Variants in CCDC148 observed in about 807,000 individuals in gnomAD.
CCDC148 encodes the protein coiled-coil domain-containing protein 148.
A neutral mutation model predicts 85.7 loss-of-function variants in CCDC148; 89 were observed. The ratio of observed to expected loss-of-function variants is 1.04; its 90% CI spans 0.87 to 1.24. The LOEUF (loss-of-function observed/expected upper bound fraction) is 1.24. Ranked by LOEUF, CCDC148 falls within the 50% of genes most tolerant of loss-of-function variation. The pLI is 0.00. For synonymous variants in CCDC148, 230 were observed against 213.9 expected (o/e 1.08, Z -0.66); for missense variants, 692 against 671.7 (o/e 1.03, Z -0.33).
chr2:158,433,610 C>G (rs1006753271), intron 1 of CCDC148, among the ~76,000 whole-genome samples: 8 of 152,144 alleles, frequency 5.3e-5, no homozygotes, highest in Non-Finnish European at 1.0e-4. Flanking sequence ...GTACCAGATT[C>G]ATCTCACTGC....
At chr2:158,200,335 G>C (rs966626513) in intron 11 of CCDC148, among the ~76,000 whole-genome samples, 1 of 152,116 alleles carries the variant, frequency 6.6e-6, no homozygotes, top group African/African-American at 2.4e-5. Flanking sequence ...TTGATATCCA[G>C]TTATTTACTT....
At chr2:158,444,101 TG>T (rs1484181305) in intron 1 of CCDC148, among the ~76,000 whole-genome samples, 4 of 152,352 alleles carry the variant, frequency 2.6e-5, no homozygotes, top group Admixed American at 2.6e-4. Flanking sequence ...GGAGAATTCT[TG>T]GCATAACTGC....
chr2:158,450,553 AT>A (rs1688365865), intron 1 of CCDC148, among the ~76,000 whole-genome samples: 1 of 152,226 alleles, frequency 6.6e-6, no homozygotes, highest in African/African-American at 2.4e-5. Context: ...TGTCACCTTC[AT>A]TTTGAAGAAC....
intron 11 of CCDC148, among the ~76,000 whole-genome samples, chr2:158,201,343 C>T (rs566390564): frequency 1.3e-3 from 191 of 152,116 alleles, no homozygotes; most frequent in African/African-American, 3.1e-3. Flanking sequence ...TTTAGGATTT[C>T]GTTCCAGTAC....
At chr2:158,406,615 T>TTTTTTTTCTG (rs1337404869) in intron 1 of CCDC148, among the ~76,000 whole-genome samples, 5 of 67,982 alleles carry the variant, frequency 7.4e-5, no homozygotes, top group South Asian at 6.2e-4. Context: ...TTAAATTTCT[T>TTTTTTTTCTG]TTTTTTTTTT....
intron 10 of CCDC148, among the ~76,000 whole-genome samples, chr2:158,221,607 G>A (rs577783082): frequency 1.3e-5 from 2 of 152,262 alleles, no homozygotes; most frequent in Middle Eastern, 3.4e-3. Flanking sequence ...CCCTAAGGTG[G>A]CATTTTCTTT....
chr2:158,199,896 C>T (rs897334436), intron 11 of CCDC148, among the ~76,000 whole-genome samples: 4 of 152,158 alleles, frequency 2.6e-5, no homozygotes, highest in African/African-American at 9.7e-5. Context: ...TTTTCTGCCT[C>T]CATAAACTTG....
At chr2:158,372,607 G>A (rs866194603) in intron 1 of CCDC148, among the ~76,000 whole-genome samples, 1 of 151,850 alleles carries the variant, frequency 6.6e-6, no homozygotes, top group Non-Finnish European at 1.5e-5. Flanking sequence ...TCCCTTTTAC[G>A]CCTAACCTCT....
chr2:158,254,748 G>T (rs1442808305), intron 9 of CCDC148, among the ~76,000 whole-genome samples: 5 of 151,264 alleles, frequency 3.3e-5, no homozygotes, highest in Admixed American at 6.6e-5. Flanking sequence ...CTCATTTTTT[G>T]ATTTAAAACT....
At chr2:158,441,208 C>T (rs756306568) in intron 1 of CCDC148, among the ~76,000 whole-genome samples, 6 of 152,208 alleles carry the variant, frequency 3.9e-5, no homozygotes, top group African/African-American at 9.6e-5. Context: ...GAGTGGATCA[C>T]GCTACAGTCC....
intron 7 of CCDC148, among the ~76,000 whole-genome samples, chr2:158,330,002 C>T (rs187802022): frequency 0.056 from 8,536 of 152,072 alleles, 513 homozygotes; most frequent in African/African-American, 0.15. Flanking sequence ...CCTTTATTTC[C>T]TTCTCCTGCC....
intron 1 of CCDC148, among the ~76,000 whole-genome samples, chr2:158,442,347 T>C (rs896625489): frequency 6.6e-5 from 10 of 152,174 alleles, no homozygotes; most frequent in Admixed American, 3.9e-4. Flanking sequence ...ATATTATAAA[T>C]AGGCCTGTCG....
chr2:158,344,047 A>T (rs1004739573), intron 3 of CCDC148, among the ~76,000 whole-genome samples: 3 of 150,654 alleles, frequency 2.0e-5, no homozygotes, highest in African/African-American at 5.0e-5. Context: ...GCCAAGATTT[A>T]AAAAAAACAA....
chr2:158,309,439 T>C lies in CCDC148; in HGVS notation c.1104A>G (p.Lys368=). Residue 368 remains lysine, a synonymous_variant, in exon 9 of 14, where the codon AAA becomes AAG. Coordinates refer to ENST00000283233, the MANE Select transcript of CCDC148 (RefSeq NM_138803.4). ...KKQQELCADL[K]AKVRQWRAHQ... is the part of the protein sequence containing the mutation. ...CACCTGTGCAGCATCTTACCTTGGC[T>C]TTCAGATCAGCACACAATTCCTGTT... 1 of 1,613,210 alleles carries C rather than the reference T, an allele frequency of 6.2e-7. No homozygotes were observed. The highest frequency in any genetic ancestry group is 8.5e-7 in the Non-Finnish European group (1 of 1,179,358).
intron 2 of CCDC148, among the ~76,000 whole-genome samples, chr2:158,353,360 G>C (rs543317360): frequency 7.5e-4 from 112 of 149,870 alleles, no homozygotes; most frequent in Middle Eastern, 7.0e-3. Flanking sequence ...CACATAGGCT[G>C]AAAATAAAAG....
intron 7 of CCDC148, among the ~76,000 whole-genome samples, chr2:158,314,884 A>G (rs1258690820): frequency 6.6e-6 from 1 of 152,216 alleles, no homozygotes; most frequent in African/African-American, 2.4e-5. Flanking sequence ...TATATCTTCC[A>G]TGCCCCTAAA....
At chr2:158,445,834 A>C (rs1688135526) in intron 1 of CCDC148, among the ~76,000 whole-genome samples, 1 of 152,178 alleles carries the variant, frequency 6.6e-6, no homozygotes, top group Admixed American at 6.5e-5. Context: ...GGACATATGT[A>C]GTATAGACAA....
intron 9 of CCDC148, among the ~76,000 whole-genome samples, chr2:158,272,667 G>A (rs1245445196): frequency 6.6e-6 from 1 of 152,140 alleles, no homozygotes; most frequent in Non-Finnish European, 1.5e-5. Flanking sequence ...AGAGGATGAG[G>A]CAGCCAAATG....
At chr2:158,290,696 G>A (rs73968908) in intron 9 of CCDC148, among the ~76,000 whole-genome samples, 6,302 of 151,952 alleles carry the variant, frequency 0.041, 200 homozygotes, top group East Asian at 0.14. Context: ...TATAGATTTT[G>A]TTGATTTATC....
Sources: gnomAD v4.1 joint callset for allele counts (sites outside exome capture counted in the v4.1 genomes callset) on GRCh38, gnomAD v4.1.1 for gene constraint, MANE v1.5 for transcripts, NCBI Gene and HGNC (gene_info 2026-07-23, HGNC 2026-07-21) for gene names.